The following SLC29A4 variants were observed in gnomAD, a reference collection of about 807,000 sequenced individuals.
The protein encoded by SLC29A4 is solute carrier family 29 member 4.
Under a neutral mutation model 43.9 loss-of-function variants are expected in SLC29A4, and 36 were observed. That is an observed-to-expected ratio of 0.82 (90% CI 0.63 to 1.08). The LOEUF (loss-of-function observed/expected upper bound fraction) is 1.08. Among genes scored for constraint, SLC29A4 ranks in the 50% least tolerant of loss-of-function variants. The pLI is 0.00. For missense variants in SLC29A4, 869 were observed against 755.3 expected (o/e 1.15, Z -1.77); for synonymous variants, 491 against 338.0 (o/e 1.45, Z -4.97).
chr7:5,297,078 C>T lies in SLC29A4; in HGVS notation c.762C>T (p.Arg254=), dbSNP rs1306941993. The change falls in exon 7 of 11, where the codon CGC becomes CGT. Residue 254 remains arginine (R), a synonymous_variant. Coordinates refer to ENST00000396872, the MANE Select transcript of SLC29A4 (RefSeq NM_153247.4). ...TCCTGCTGCACCTGTTAGTGCGGCG[C>T]AGCCGCTTCGTGCTCTTCTATACCA... is the stretch of plus-strand genomic sequence containing the variant. ...LCFLLHLLVR[R]SRFVLFYTTR... 3.1e-6 allele frequency: 5 copies of T among 1,607,854 alleles called. No homozygotes were observed. Among genetic ancestry groups the T allele is most frequent in the South Asian group, 2.2e-5 (2 of 91,034 alleles).
At chr7:5,290,947 T>C in intron 3 of SLC29A4, 84 bp downstream of exon 3, 2 of 1,551,958 alleles carry the variant, frequency 1.3e-6, no homozygotes, top group South Asian at 2.4e-5. Context: ...GCGGGGAGGG[T>C]CCTACACGGG....
chr7:5,303,072 C>G lies in SLC29A4; in HGVS notation c.*133C>G. On this transcript the variant is annotated 3_prime_UTR_variant, in exon 11 of 11. Coordinates refer to ENST00000396872, the MANE Select transcript of SLC29A4 (RefSeq NM_153247.4). ...CCCTGTGCCAGCAGCCCCACTCCCT[C>G]AGGGTCCAGCCATGCCCCACCCTGG... The G allele has an allele frequency of 9.1e-7, 1 of 1,098,464 alleles. No homozygotes were observed. The highest frequency in any genetic ancestry group is 1.3e-6 in the Non-Finnish European group (1 of 777,804). 68.0% of individuals were successfully genotyped at this position (1,098,464 alleles called of 1,614,324 possible).
rs749623687 is a variant in SLC29A4, at chr7:5,291,195, G to A, written c.373G>A (p.Val125Ile). 58 of 1,613,502 alleles carry A rather than the reference G, an allele frequency of 3.6e-5. No individual in the cohort carries two copies. Among genetic ancestry groups the A allele is most frequent in the Middle Eastern group, 1.7e-4 (1 of 5,718 alleles). ...VALAAVLLNN[V>I]LVERLTLHTR... ...ACTGGCAGCTGTCCTCCTGAACAAC[G>A]TCCTGGTGGAGAGACTGACCCTGCA... Residue 125 changes from valine (V) to isoleucine (I), a missense_variant, in exon 4 of 11, where the codon GTC (valine) becomes ATC (isoleucine). Physicochemically the swap from Val to Ile is conservative, Grantham distance 29. Transcript: ENST00000396872.
At chr7:5,291,278 T>C (rs1321456466) in intron 4 of SLC29A4, 41 bp downstream of exon 4, 2 of 1,570,684 alleles carry the variant, frequency 1.3e-6, no homozygotes, top group African/African-American at 2.7e-5. Flanking sequence ...CTGTCATGGC[T>C]TCCACCTGCC....
chr7:5,294,968 C>A, intron 6 of SLC29A4, 34 bp downstream of exon 6: 1 of 1,546,524 alleles, frequency 6.5e-7, no homozygotes, highest in South Asian at 1.2e-5. Flanking sequence ...GGAGGGGGTG[C>A]TGGGCTGCCC....
At chr7:5,295,766 A>G (rs764300046) in intron 6 of SLC29A4, among the ~76,000 whole-genome samples, 1 of 91,106 alleles carries the variant, frequency 1.1e-5, no homozygotes, top group Non-Finnish European at 2.7e-5. Context: ...CAGAGCTTCC[A>G]GACTCCCACG....
intron 6 of SLC29A4, among the ~76,000 whole-genome samples, chr7:5,295,933 GTGGCCCACCA>G (rs148383907): frequency 0.19 from 28,619 of 151,728 alleles, 3,280 homozygotes; most frequent in East Asian, 0.52. Context: ...CCCTCACGGG[GTGGCCCACCA>G]TGGCCCACCA....
chr7:5,297,898 C>T (rs1204929704), intron 7 of SLC29A4, among the ~76,000 whole-genome samples: 1 of 152,174 alleles, frequency 6.6e-6, no homozygotes, highest in Non-Finnish European at 1.5e-5. Flanking sequence ...CAGACAGCCC[C>T]TGCCAGGAGG....
rs1196266094 is a variant in SLC29A4, at chr7:5,302,792, C to T, written c.1451-5C>T. Reference sequence around the variant, plus strand: ...CTGCTCCCCTCAGGCTGGTGTTGTCCACAGGGAACACCATGACCGTGTCCT... The same window carrying T: ...CTGCTCCCCTCAGGCTGGTGTTGTCTACAGGGAACACCATGACCGTGTCCT... On this transcript the variant is annotated splice_polypyrimidine_tract_variant and splice_region_variant and intron_variant, in intron 10 of 10. Transcript: ENST00000396872. The T allele has an allele frequency of 6.4e-7, 1 of 1,553,556 alleles. No homozygotes were observed. Among genetic ancestry groups the T allele is most frequent in the East Asian group, 2.4e-5 (1 of 41,238 alleles).
chr7:5,294,218 G>C (rs1209886781), intron 5 of SLC29A4, among the ~76,000 whole-genome samples: 2 of 152,136 alleles, frequency 1.3e-5, no homozygotes, highest in Non-Finnish European at 2.9e-5. Context: ...TGGGATTACA[G>C]GTGTGAGCCA....
chr7:5,301,033 T>C (rs10807943), intron 10 of SLC29A4, among the ~76,000 whole-genome samples: 140,285 of 152,174 alleles, frequency 0.92, 64,798 homozygotes, highest in African/African-American at 0.98. Flanking sequence ...GCAAAGCGGG[T>C]GGATCACTTG....
intron 7 of SLC29A4, among the ~76,000 whole-genome samples, chr7:5,298,280 A>G (rs1163218601): frequency 1.3e-5 from 2 of 152,112 alleles, no homozygotes; most frequent in African/African-American, 4.8e-5. Flanking sequence ...TGGTCAGGGA[A>G]GTTCCCTGAG....
chr7:5,283,684 C>G (rs1269219223), intron 1 of SLC29A4, among the ~76,000 whole-genome samples: 1 of 152,036 alleles, frequency 6.6e-6, no homozygotes, highest in Non-Finnish European at 1.5e-5. Context: ...GGCTTGTAAC[C>G]CACCCCCACA....
chr7:5,284,655 G>GGGCCGGGAAGGACAGAGTTGGA (rs1201881123), intron 1 of SLC29A4, among the ~76,000 whole-genome samples: 4 of 152,122 alleles, frequency 2.6e-5, no homozygotes, highest in African/African-American at 9.7e-5. Flanking sequence ...TGGATGTGGG[G>GGGCCGGGAAGGACAGAGTTGGA]GGCCGGGAAG....
rs1258381040 is a variant in SLC29A4 at position 5,306,694 on chromosome 7, C to G, written c.*3755C>G. ...CCCCTGCACGCGTGGCACCCAACTT[C>G]TTCCAGTCGAATCCTGCTTCTTGGT... On this transcript the variant is annotated 3_prime_UTR_variant, in exon 11 of 11. Transcript: ENST00000396872. 1 of 152,148 alleles carries G rather than the reference C, an allele frequency of 6.6e-6. No individual in the cohort carries two copies. Among genetic ancestry groups the G allele is most frequent in the Non-Finnish European group, 1.5e-5 (1 of 68,010 alleles). The allele number at this position is 152,148 out of a possible 1,614,324, so 9.4% of individuals were successfully genotyped here. A position where few individuals can be genotyped will look rare whatever the true frequency, so the allele number is the denominator to read the frequency against.
chr7:5,302,961 G>A lies in SLC29A4; in HGVS notation c.*22G>A. 1 of 1,598,208 alleles carries A rather than the reference G, an allele frequency of 6.3e-7. No homozygotes were observed. Among genetic ancestry groups the A allele is most frequent in the Non-Finnish European group, 8.5e-7 (1 of 1,174,134 alleles). ...CTGAGCCAGCCCCGCCCACTGCCAG[G>A]GACGCCGAGGGCCTGACCAGGGGCC... is the stretch of plus-strand genomic sequence containing the variant. On this transcript the variant is annotated 3_prime_UTR_variant, in exon 11 of 11. Transcript: ENST00000396872.
rs772784372 is a variant in SLC29A4 at position 5,302,963 on chromosome 7, A to T, written c.*24A>T. On this transcript the variant is annotated 3_prime_UTR_variant, in exon 11 of 11. Coordinates refer to ENST00000396872, the MANE Select transcript of SLC29A4 (RefSeq NM_153247.4). ...GAGCCAGCCCCGCCCACTGCCAGGG[A>T]CGCCGAGGGCCTGACCAGGGGCCCC... 6.3e-7 allele frequency: 1 copy of T among 1,598,238 alleles called. No homozygotes were observed. Among genetic ancestry groups the T allele is most frequent in the Admixed American group, 1.7e-5 (1 of 58,350 alleles).
At chr7:5,288,129 C>T (rs1158049517) in intron 2 of SLC29A4, 144 bp downstream of exon 2, 2 of 1,121,334 alleles carry the variant, frequency 1.8e-6, no homozygotes, top group Non-Finnish European at 2.5e-6. Context: ...ATTAGATCTG[C>T]TGCATAACAA....
At position 5,291,386 on chromosome 7, in the gene SLC29A4, C is replaced by T. The variant is rs1785301177; in HGVS notation, c.415+149C>T. ...GGCTGCCCTGAGGTCTGGTGTAAGA[C>T]ACCGTGGTGGGGCCTCTGTACCCCA... On this transcript the variant is annotated intron_variant, in intron 4 of 10. Transcript: ENST00000396872. 3.5e-5 allele frequency: 29 copies of T among 832,360 alleles called. 2 individuals are homozygous for T. The South Asian group carries it at 4.9e-4, about 14-fold the overall frequency. 51.6% of individuals were successfully genotyped at this position (832,360 alleles called of 1,614,324 possible).
Sources: allele counts gnomAD v4.1 joint callset (sites outside exome capture counted in the v4.1 genomes callset), GRCh38; gene constraint gnomAD v4.1.1; transcripts MANE v1.5; gene names NCBI Gene and HGNC (gene_info 2026-07-23, HGNC 2026-07-21).